The following SYMPK variants were observed in gnomAD, a reference collection of about 807,000 sequenced individuals.
SYMPK encodes symplekin scaffold protein.
A neutral mutation model predicts 136.4 loss-of-function variants in SYMPK; 49 were observed. The ratio of observed to expected loss-of-function variants is 0.36; its 90% CI spans 0.29 to 0.46. The LOEUF is 0.46. Among genes scored for constraint, SYMPK ranks in the 20% least tolerant of loss-of-function variants. SYMPK has a pLI of 1.00. For synonymous variants in SYMPK, 766 were observed against 713.0 expected (o/e 1.07, Z -1.19); for missense variants, 1,365 against 1,690.0 (o/e 0.81, Z 3.37).
chr19:45,816,241 G>A, intron 25 of SYMPK, 58 bp from the exon 26 acceptor site: 5 of 1,275,906 alleles, frequency 3.9e-6, no homozygotes, highest in Non-Finnish European at 5.3e-6. Context: ...AGGACGGCCG[G>A]AAAGAGAAGG....
At chr19:45,818,627 G>A (rs1970810904) in intron 22 of SYMPK, among the ~76,000 whole-genome samples, 1 of 152,208 alleles carries the variant, frequency 6.6e-6, no homozygotes, top group Non-Finnish European at 1.5e-5. Flanking sequence ...TGGGAAGATG[G>A]GGGGTGCCAG....
chr19:45,817,417 CTTT>C (rs559430104), intron 23 of SYMPK, among the ~76,000 whole-genome samples: 55 of 108,478 alleles, frequency 5.1e-4, no homozygotes, highest in Middle Eastern at 5.9e-3. Flanking sequence ...TTTTTGTTCT[CTTT>C]TTTTTTTTTT....
chr19:45,829,339 C>G (rs1313376676), intron 13 of SYMPK, 134 bp from the exon 14 acceptor site: 1 of 748,444 alleles, frequency 1.3e-6, no homozygotes, highest in Admixed American at 2.4e-5. Flanking sequence ...GAAGGCCAGC[C>G]GAGGACCCTT....
At position 45,815,928 on chromosome 19, in the gene SYMPK, A is replaced by G; in HGVS notation, c.3610T>C (p.Phe1204Leu). Residue 1204 changes from phenylalanine (F) to leucine (L), a missense_variant, in exon 26 of 27, where the codon TTC becomes CTC. Around this residue, in one of 11 missense-constraint regions of SYMPK, gnomAD observed 341 missense variants for 270.5 expected, o/e 1.26. Transcript: ENST00000245934. Reference protein sequence around the residue: ...EGPECETPGIFISMDDDSGLT... With the variant: ...EGPECETPGILISMDDDSGLT... Reference sequence around the variant, plus strand: ...CCCGAGTCGTCATCCATGCTGATGAAGATGCCCGGGGTCTCGCACTCAGGC... The same window carrying G: ...CCCGAGTCGTCATCCATGCTGATGAGGATGCCCGGGGTCTCGCACTCAGGC... 1 of 1,612,206 alleles carries G rather than the reference A, an allele frequency of 6.2e-7. No individual in the cohort carries two copies. The highest frequency in any genetic ancestry group is 1.1e-5 in the South Asian group (1 of 90,876).
intron 7 of SYMPK, among the ~76,000 whole-genome samples, chr19:45,846,800 C>CTTT (rs35159561): frequency 6.9e-6 from 1 of 144,338 alleles, no homozygotes; most frequent in African/African-American, 2.5e-5. Context: ...ATATATAGTA[C>CTTT]TTTTTTTTTT....
chr19:45,858,169 C>T (rs1971879150), intron 1 of SYMPK, among the ~76,000 whole-genome samples: 2 of 152,154 alleles, frequency 1.3e-5, no homozygotes, highest in Admixed American at 1.3e-4. Flanking sequence ...TAGGGGTCTC[C>T]TCAATGAATG....
At chr19:45,857,217 G>A (rs1392889923) in intron 1 of SYMPK, among the ~76,000 whole-genome samples, 1 of 151,316 alleles carries the variant, frequency 6.6e-6, no homozygotes, top group Non-Finnish European at 1.5e-5. Context: ...AGACCATCCT[G>A]GCTAACAAGG....
Position 45,815,510 on chromosome 19 carries a change from GT to G in SYMPK, c.*49del. On this transcript the variant is annotated 3_prime_UTR_variant, in exon 27 of 27. Coordinates refer to ENST00000245934, the MANE Select transcript of SYMPK (RefSeq NM_004819.3). ...GCACCCGCAGGTCAAGCCCCGCCCC[GT>G]CCCCCAGCCCCGAGTCCCTGTCCCA... The G allele has an allele frequency of 3.3e-6, 2 of 614,608 alleles. No individual in the cohort carries two copies. The highest frequency in any genetic ancestry group is 4.9e-6 in the Non-Finnish European group (2 of 405,958). The allele number at this position is 614,608 out of a possible 1,614,324, so 38.1% of individuals were successfully genotyped here.
chr19:45,831,343 T>A (rs748501699), intron 12 of SYMPK, 41 bp downstream of exon 12: 9 of 1,452,062 alleles, frequency 6.2e-6, no homozygotes, highest in Non-Finnish European at 4.6e-6. Flanking sequence ...ACCTTCAGGG[T>A]AGGGCTCCTG....
Position 45,818,075 on chromosome 19 carries a change from T to A in SYMPK, c.2965A>T (p.Met989Leu). The change falls in exon 23 of 27, where the codon ATG (methionine) becomes TTG (leucine). Residue 989 changes from methionine to leucine, a missense_variant. Physicochemically the swap from Met to Leu is conservative, Grantham distance 15. Coordinates refer to ENST00000245934, the MANE Select transcript of SYMPK (RefSeq NM_004819.3). ...EVLAVVMQQL[M>L]EQSPLPMLLM... ...AGCATGGGCAGGGGGCTCTGCTCCA[T>A]CAGCTGCTGCATCACCACGGCCAGC... The A allele has an allele frequency of 1.3e-6, 2 of 1,561,436 alleles. No individual in the cohort carries two copies. The highest frequency in any genetic ancestry group is 1.7e-6 in the Non-Finnish European group (2 of 1,152,860).
chr19:45,841,993 A>T (rs1568619876), intron 9 of SYMPK, among the ~76,000 whole-genome samples: 1 of 151,856 alleles, frequency 6.6e-6, no homozygotes, highest in Non-Finnish European at 1.5e-5. Flanking sequence ...ATTTATTTTT[A>T]TAATTATTTT....
At position 45,823,783 on chromosome 19, in the gene SYMPK, G is replaced by A. The variant is rs1212676830; in HGVS notation, c.2583C>T (p.His861=). ...CAGGGTCACCTTTGTCTGTGAGGCT[G>A]TGCAGACATCTCGTGACCAGTGTCT... ...GAETLVTRCL[H]SLTDKVPPSP... Residue 861 remains histidine (H), a synonymous_variant, in exon 19 of 27, where the codon CAC becomes CAT. Transcript: ENST00000245934. The A allele has an allele frequency of 4.3e-6, 7 of 1,613,814 alleles. No homozygotes were observed. Among genetic ancestry groups the A allele is most frequent in the Non-Finnish European group, 5.1e-6 (6 of 1,179,818 alleles).
intron 5 of SYMPK, 45 bp downstream of exon 5, chr19:45,852,267 G>C: frequency 6.2e-7 from 1 of 1,608,366 alleles, no homozygotes; most frequent in Non-Finnish European, 8.5e-7. Flanking sequence ...GCTGAAGGCT[G>C]CCACCAGTGA....
chr19:45,816,493 GC>G lies in SYMPK; in HGVS notation c.3342del (p.Leu1116TrpfsTer9). 6.2e-7 allele frequency: 1 copy of G among 1,612,508 alleles called. No homozygotes were observed. Among genetic ancestry groups the G allele is most frequent in the Non-Finnish European group, 8.5e-7 (1 of 1,179,822 alleles). On this transcript the variant is annotated frameshift_variant, in exon 25 of 27. Transcript: ENST00000245934. LOFTEE classifies it high-confidence loss of function. ...QEPEAKEAPA[G>X]PLEEDDLEPL... is the part of the protein sequence containing the mutation. Reference sequence around the variant, plus strand: ...TGCAGGGCCCTCACCTCCTCCAAGGGCCCCGCAGGCGCCTCCTTGGCCTCTG... The same window carrying G: ...TGCAGGGCCCTCACCTCCTCCAAGGGCCCGCAGGCGCCTCCTTGGCCTCTG...
chr19:45,835,849 T>C (rs1290042182), intron 10 of SYMPK, among the ~76,000 whole-genome samples: 3 of 151,542 alleles, frequency 2.0e-5, no homozygotes, highest in Non-Finnish European at 4.4e-5. Flanking sequence ...GCGGCAGCAG[T>C]TGCAGTGAGC....
In SYMPK at chr19:45,844,070, C is replaced by A. The variant is rs773911989; in HGVS notation, c.807G>T (p.Met269Ile). ...AGGCCTGGATCACCTCAGACATGAA[C>A]ATGGGTCTCTGGCGGGCGATATTGG... The part of the protein sequence containing the change: ...SLANIARQRP[M>I]FMSEVIQAYE... The change falls in exon 8 of 27, where the codon ATG (methionine) becomes ATT (isoleucine). Residue 269 changes from methionine (M) to isoleucine (I), a missense_variant. Physicochemically the swap from Met to Ile is conservative, Grantham distance 10 (BLOSUM62 1). Transcript: ENST00000245934. The A allele has an allele frequency of 3.1e-6, 5 of 1,593,798 alleles. No homozygotes were observed. The South Asian group carries it at 5.6e-5, about 18-fold the overall frequency.
chr19:45,827,802 T>C, intron 15 of SYMPK, 35 bp downstream of exon 15: 3 of 1,606,608 alleles, frequency 1.9e-6, no homozygotes, highest in Non-Finnish European at 2.6e-6. Flanking sequence ...CCCTGTCCCC[T>C]GCCCCGGGCT....
At chr19:45,852,740 ACT>A (rs1192475082) in intron 3 of SYMPK, among the ~76,000 whole-genome samples, 1 of 151,886 alleles carries the variant, frequency 6.6e-6, no homozygotes, top group Non-Finnish European at 1.5e-5. Flanking sequence ...ATAAAATGAG[ACT>A]CTTAAACATC....
At chr19:45,844,569 G>T (rs573402881) in intron 7 of SYMPK, among the ~76,000 whole-genome samples, 2 of 152,190 alleles carry the variant, frequency 1.3e-5, no homozygotes, top group South Asian at 4.1e-4. Flanking sequence ...CAGCTACTTG[G>T]GAGGCTGAGG....
Sources: gnomAD v4.1 joint callset for allele counts (sites outside exome capture counted in the v4.1 genomes callset) on GRCh38, gnomAD v4.1.1 for gene constraint, gnomAD v4.1.1 regional missense constraint, MANE v1.5 for transcripts, NCBI Gene and HGNC (gene_info 2026-07-23, HGNC 2026-07-21) for gene names.